Variants in RASA3 observed in about 807,000 individuals in gnomAD.
The protein encoded by RASA3 is ras GTPase-activating protein 3.
RASA3 carries 73 observed loss-of-function variants against 110.0 expected under a neutral mutation model. The observed-to-expected ratio is 0.66, with a 90% CI of 0.55 to 0.81. The LOEUF (loss-of-function observed/expected upper bound fraction) is 0.81, where lower values mean the gene tolerates loss of function less well. Ranked by LOEUF, RASA3 falls within the 30% of genes least tolerant of loss-of-function variation. The probability of loss-of-function intolerance (pLI) is 0.00; values close to 1 mark genes in which losing one functional copy is unlikely to be tolerated. For missense variants in RASA3, 976 were observed against 1,113.2 expected, an observed-to-expected ratio of 0.88 and a Z score of 1.75; for synonymous variants, 500 against 451.4, an observed-to-expected ratio of 1.11 and a Z score of -1.37.
At chr13:114,030,694 G>A (rs2054146761) in intron 4 of RASA3, among the ~76,000 whole-genome samples, 1 of 152,230 alleles carries the variant, frequency 6.6e-6, no homozygotes, top group African/African-American at 2.4e-5. Flanking sequence ...GTGGGTGTGT[G>A]TCCACCTGTC....
At chr13:114,016,887 C>A (rs936337906) in intron 12 of RASA3, among the ~76,000 whole-genome samples, 1 of 152,066 alleles carries the variant, frequency 6.6e-6, no homozygotes. Context: ...GAGGACTGGG[C>A]GTGCAGCTCA....
At position 114,096,432 on chromosome 13, in the gene RASA3, ACCT is replaced by A. The variant is rs1216768959; in HGVS notation, c.56-22598_56-22596del. 2.0e-5 allele frequency among the ~76,000 whole-genome samples: 3 copies of A among 151,814 alleles called. No homozygotes were observed. The highest frequency in any genetic ancestry group is 4.4e-5 in the Non-Finnish European group (3 of 67,936). ...CTGTGCATTGCCCATCTGTGAGCCG[ACCT>A]CCTGCCTGAAGCCACCTTCTCATAG... On this transcript the variant is annotated intron_variant, in intron 1 of 23. Coordinates refer to ENST00000334062, the MANE Select transcript of RASA3 (RefSeq NM_007368.4). The surrounding 1 kb of genome is among the most constrained non-coding windows in gnomAD (Gnocchi z 5.1).
chr13:114,088,531 T>G (rs887753270), intron 1 of RASA3, among the ~76,000 whole-genome samples: 6 of 150,524 alleles, frequency 4.0e-5, no homozygotes, highest in African/African-American at 7.3e-5. Flanking sequence ...TGAACAGATT[T>G]GCACATTTAA....
intron 16 of RASA3, 24 bp from the exon 17 acceptor site, chr13:114,009,488 G>A (rs560277648): frequency 1.5e-5 from 23 of 1,525,382 alleles, no homozygotes; most frequent in Non-Finnish European, 2.0e-5. Context: ...GAGATCACTC[G>A]AGGACAGCCC....
chr13:114,081,973 C>A (rs1009339444), intron 1 of RASA3, among the ~76,000 whole-genome samples: 3 of 152,232 alleles, frequency 2.0e-5, no homozygotes, highest in Non-Finnish European at 4.4e-5. Flanking sequence ...CAGCTGCACA[C>A]ACAGGAGAGC....
At position 114,066,052 on chromosome 13, in the gene RASA3, C is replaced by T. The variant is rs559877899; in HGVS notation, c.173+7668G>A. Among the ~76,000 whole-genome samples the T allele has an allele frequency of 3.9e-5, 6 of 152,084 alleles. No individual in the cohort carries two copies. In the South Asian group the frequency reaches 1.3e-3, roughly 32 times the overall value. On this transcript the variant is annotated intron_variant, in intron 2 of 23. Coordinates refer to ENST00000334062, the MANE Select transcript of RASA3 (RefSeq NM_007368.4). Reference sequence around the variant, plus strand: ...CCCCTCGGCTCATGGGCTCTGTGGTCGCCAGGCACGCCACACACCACACGC... The same window carrying T: ...CCCCTCGGCTCATGGGCTCTGTGGTTGCCAGGCACGCCACACACCACACGC...
At chr13:114,046,292 A>T (rs2079051877) in intron 3 of RASA3, among the ~76,000 whole-genome samples, 1 of 152,210 alleles carries the variant, frequency 6.6e-6, no homozygotes, top group African/African-American at 2.4e-5. Context: ...TCACTCAGGA[A>T]AGAATTCGAG....
At chr13:114,083,538 T>A (rs1171064666) in intron 1 of RASA3, among the ~76,000 whole-genome samples, 1 of 140,312 alleles carries the variant, frequency 7.1e-6, no homozygotes, top group Admixed American at 7.0e-5. Context: ...ACTCCCTTCG[T>A]CCTCGCGGGG....
In RASA3 at chr13:114,014,338, C is replaced by T. The variant is rs1362435238; in HGVS notation, c.1405+871G>A. On this transcript the variant is annotated intron_variant, in intron 14 of 23. Transcript: ENST00000334062. The surrounding 1 kb of genome is among the most constrained non-coding windows in gnomAD (Gnocchi z 4.5). ...TGGGATGTGCTTGGGAACTGCCTCC[C>T]CCAGAACCCTGGGCCCCTCGGCCGG... Among the ~76,000 whole-genome samples the T allele has an allele frequency of 2.0e-5, 3 of 152,226 alleles. No homozygotes were observed. Among genetic ancestry groups the T allele is most frequent in the Non-Finnish European group, 4.4e-5 (3 of 68,046 alleles).
intron 1 of RASA3, among the ~76,000 whole-genome samples, chr13:114,103,015 G>A (rs1057178342): frequency 3.9e-5 from 6 of 152,150 alleles, no homozygotes; most frequent in East Asian, 3.9e-4. Flanking sequence ...GTGAGGCTGC[G>A]ATGCTGTCAG....
At chr13:113,991,421 G>A (rs1313095680) in intron 22 of RASA3, among the ~76,000 whole-genome samples, 2 of 152,164 alleles carry the variant, frequency 1.3e-5, no homozygotes, top group Non-Finnish European at 2.9e-5. Context: ...GGCACATTCC[G>A]CTCTATTTCC....
chr13:114,074,855 G>A (rs528329992), intron 1 of RASA3, among the ~76,000 whole-genome samples: 4 of 152,362 alleles, frequency 2.6e-5, no homozygotes, highest in African/African-American at 9.6e-5. Context: ...CTGGAAGCTC[G>A]GAGCATGCCC....
chr13:113,999,473 C>T, intron 20 of RASA3, 112 bp downstream of exon 20: 2 of 803,886 alleles, frequency 2.5e-6, no homozygotes, highest in South Asian at 1.4e-5. Flanking sequence ...TCTGAGAAGC[C>T]TGGAGTGCAG....
In RASA3 at chr13:113,996,722, C is replaced by T. The variant is rs1106101; in HGVS notation, c.1950G>A (p.Gln650=). ...FKMKNMFQVI[Q]PERALYIQAN... The stretch of plus-strand genomic sequence containing the variant: ...CCTGGATGTACAGCGCACGCTCTGG[C>T]TGGATGACCTGGAACATCTGAGGAC... The change falls in exon 21 of 24, where the codon CAG becomes CAA. Residue 650 remains glutamine (Q), a synonymous_variant. Coordinates refer to ENST00000334062, the MANE Select transcript of RASA3 (RefSeq NM_007368.4). The T allele has an allele frequency of 3.7e-3, 5,936 of 1,613,634 alleles. 160 individuals carry two copies. The East Asian group carries it at 0.054, about 15-fold the overall frequency.
intron 3 of RASA3, among the ~76,000 whole-genome samples, chr13:114,043,443 G>C (rs1594375989): frequency 6.6e-6 from 1 of 152,104 alleles, no homozygotes; most frequent in Non-Finnish European, 1.5e-5. Flanking sequence ...CCTGGAAAAA[G>C]CCCCTTCCCA....
intron 2 of RASA3, among the ~76,000 whole-genome samples, chr13:114,063,030 G>A (rs2079388952): frequency 6.6e-6 from 1 of 152,240 alleles, no homozygotes; most frequent in African/African-American, 2.4e-5. Context: ...GAGGATTACA[G>A]GGCGCGAGTG....
Position 114,007,488 on chromosome 13 carries a change from C to T in RASA3, c.1742+45G>A, listed in dbSNP as rs1401370816. 36 of 1,388,410 alleles carry T rather than the reference C, an allele frequency of 2.6e-5. 2 individuals carry two copies. The highest frequency in any genetic ancestry group is 3.4e-5 in the Non-Finnish European group (34 of 992,514). 86.0% of individuals were successfully genotyped at this position (1,388,410 alleles called of 1,614,324 possible). A position where few individuals can be genotyped will look rare whatever the true frequency, so the allele number is the denominator to read the frequency against. On this transcript the variant is annotated intron_variant, in intron 18 of 23. Transcript: ENST00000334062. The stretch of plus-strand genomic sequence containing the variant: ...CCTGCCCTGCTGGACACCACCTTAC[C>T]CTTCTCCCCTCCTGCCCTGCCAGAC...
At chr13:113,996,235 G>C (rs977690183) in intron 21 of RASA3, among the ~76,000 whole-genome samples, 2 of 152,156 alleles carry the variant, frequency 1.3e-5, no homozygotes, top group Admixed American at 6.5e-5. Context: ...GGATGGCCAC[G>C]GCCTGGGGAG....
At chr13:114,116,875 A>T (rs867493873) in intron 1 of RASA3, among the ~76,000 whole-genome samples, 2 of 87,520 alleles carry the variant, frequency 2.3e-5, no homozygotes, top group Non-Finnish European at 2.2e-5. Flanking sequence ...AGGGGTGCAC[A>T]TGTATGAGGG....
Sources: allele counts gnomAD v4.1 joint callset (sites outside exome capture counted in the v4.1 genomes callset), GRCh38; gene constraint gnomAD v4.1.1; non-coding constraint Gnocchi (gnomAD v3.1); transcripts MANE v1.5; gene names NCBI Gene and HGNC (gene_info 2026-07-23, HGNC 2026-07-21).